Variants in BBS9 observed in about 807,000 individuals in gnomAD.
BBS9 encodes the protein protein PTHB1.
Under a neutral mutation model 117.7 loss-of-function variants are expected in BBS9, and 89 were observed. The observed-to-expected ratio is 0.76, with a 90% CI of 0.64 to 0.90. The LOEUF is 0.90. BBS9 is among the 40% of genes least tolerant of loss of function. The pLI is 0.00. For synonymous variants in BBS9, 379 were observed against 370.9 expected, an observed-to-expected ratio of 1.02 and a Z score of -0.25; for missense variants, 982 against 1,042.2, an observed-to-expected ratio of 0.94 and a Z score of 0.80.
intron 19 of BBS9, among the ~76,000 whole-genome samples, chr7:33,430,324 A>C (rs1360920927): frequency 1.3e-5 from 2 of 152,232 alleles, no homozygotes; most frequent in African/African-American, 4.8e-5. Context: ...CATAGGACTT[A>C]GGTTCTACTA....
At chr7:33,138,947 C>T (rs1345619895) in intron 1 of BBS9, among the ~76,000 whole-genome samples, 8 of 151,204 alleles carry the variant, frequency 5.3e-5, no homozygotes, top group Middle Eastern at 3.4e-3. Context: ...TTCTAATTTT[C>T]GGTTAGAAGT....
At chr7:33,166,778 A>G (rs1293278124) in intron 4 of BBS9, among the ~76,000 whole-genome samples, 1 of 152,190 alleles carries the variant, frequency 6.6e-6, no homozygotes, top group Non-Finnish European at 1.5e-5. Context: ...TTTTCCACGT[A>G]CAGTCTGTCA....
intron 20 of BBS9, among the ~76,000 whole-genome samples, chr7:33,514,586 T>C (rs1847455280): frequency 6.6e-6 from 1 of 152,172 alleles, no homozygotes; most frequent in Non-Finnish European, 1.5e-5. Flanking sequence ...TAGCTTTGGG[T>C]ACTGTAAATG....
chr7:33,310,537 G>A (rs1808993573), intron 9 of BBS9, among the ~76,000 whole-genome samples: 2 of 152,128 alleles, frequency 1.3e-5, no homozygotes, highest in Admixed American at 6.5e-5. Flanking sequence ...AGTAAAAGGG[G>A]ATTCTGTTAA....
At chr7:33,550,864 TCTCAA>T (rs1854311517) in intron 21 of BBS9, among the ~76,000 whole-genome samples, 2 of 152,314 alleles carry the variant, frequency 1.3e-5, no homozygotes, top group South Asian at 4.1e-4. Context: ...GTACAGGATG[TCTCAA>T]CTCTGTATAT....
intron 5 of BBS9, among the ~76,000 whole-genome samples, chr7:33,255,830 T>G (rs553979902): frequency 6.6e-6 from 1 of 152,234 alleles, no homozygotes; most frequent in South Asian, 2.1e-4. Context: ...TTTGGAAACT[T>G]TTAATAGCAT....
At chr7:33,434,111 A>G (rs926633813) in intron 19 of BBS9, among the ~76,000 whole-genome samples, 1 of 151,924 alleles carries the variant, frequency 6.6e-6, no homozygotes, top group African/African-American at 2.4e-5. Flanking sequence ...TTTATCAATA[A>G]TGATGGATAT....
chr7:33,229,013 A>T (rs1232533366), intron 5 of BBS9, among the ~76,000 whole-genome samples: 2 of 152,246 alleles, frequency 1.3e-5, no homozygotes, highest in Non-Finnish European at 2.9e-5. Flanking sequence ...GAGAATTAAA[A>T]TTGAGGATGA....
At chr7:33,430,504 C>T (rs1362185841) in intron 19 of BBS9, among the ~76,000 whole-genome samples, 1 of 152,138 alleles carries the variant, frequency 6.6e-6, no homozygotes, top group Non-Finnish European at 1.5e-5. Flanking sequence ...AACTTGGGTA[C>T]TCTTCTGGGA....
At chr7:33,622,228 A>T (rs762635450) in intron 21 of BBS9, among the ~76,000 whole-genome samples, 2 of 151,976 alleles carry the variant, frequency 1.3e-5, no homozygotes, top group African/African-American at 2.4e-5. Context: ...CAAAAAAAAT[A>T]AATAAAAAAG....
chr7:33,277,520 C>T (rs559215483), intron 9 of BBS9, among the ~76,000 whole-genome samples: 1 of 152,282 alleles, frequency 6.6e-6, no homozygotes, highest in Non-Finnish European at 1.5e-5. Flanking sequence ...CACTGTATTT[C>T]AGTAGAGAAA....
chr7:33,481,864 A>T lies in BBS9; in HGVS notation c.2116-23599A>T, dbSNP rs189650134. On this transcript the variant is annotated intron_variant, in intron 19 of 22. Coordinates refer to ENST00000242067, the MANE Select transcript of BBS9 (RefSeq NM_198428.3). The stretch of plus-strand genomic sequence containing the variant: ...TCTTAATAAAGGGGATAAAAGTAGA[A>T]TTTTTAGGTCTGATTTTAAGGTTTC... 2.4e-4 allele frequency among the ~76,000 whole-genome samples: 36 copies of T among 152,272 alleles called. 1 individual carries two copies. In the East Asian group the frequency reaches 7.0e-3, roughly 29 times the overall value.
chr7:33,608,805 G>A (rs185083128), downstream of BBS9, among the ~76,000 whole-genome samples: 1 of 151,978 alleles, frequency 6.6e-6, no homozygotes, highest in African/African-American at 2.4e-5. Flanking sequence ...CTATTCAATG[G>A]GTTGTCTTTT....
At chr7:33,260,423 T>C (rs1211935916) in intron 6 of BBS9, among the ~76,000 whole-genome samples, 2 of 152,226 alleles carry the variant, frequency 1.3e-5, no homozygotes, top group Non-Finnish European at 2.9e-5. Context: ...TCTTCCTTTT[T>C]TCACCTCCTA....
intron 20 of BBS9, among the ~76,000 whole-genome samples, chr7:33,527,078 A>AGG (rs2129050448): frequency 1.3e-5 from 2 of 151,618 alleles, no homozygotes; most frequent in Non-Finnish European, 2.9e-5. Flanking sequence ...GGGGTCAGGC[A>AGG]CCCACTTGAG....
Position 33,369,619 on chromosome 7 carries a change from G to A in BBS9, c.1789+1757G>A, listed in dbSNP as rs1822477636. Among the ~76,000 whole-genome samples the A allele has an allele frequency of 3.9e-5, 6 of 152,152 alleles. No individual in the cohort carries two copies. The South Asian group carries it at 1.2e-3, about 32-fold the overall frequency. On this transcript the variant is annotated intron_variant, in intron 17 of 22. Coordinates refer to ENST00000242067, the MANE Select transcript of BBS9 (RefSeq NM_198428.3). ...TAATAGTCATTACAATTCTATGATG[G>A]TTTTTGGCTACAGTGACACACAGAA...
At chr7:33,273,226 C>T (rs1252803878) in intron 8 of BBS9, 31 bp downstream of exon 8, 1 of 1,609,708 alleles carries the variant, frequency 6.2e-7, no homozygotes. Context: ...TTATCTCTTC[C>T]ATATGTCAAG....
At chr7:33,613,462 A>G (rs1028263513) in intron 21 of BBS9, among the ~76,000 whole-genome samples, 1 of 152,018 alleles carries the variant, frequency 6.6e-6, no homozygotes, top group African/African-American at 2.4e-5. Context: ...ACTGTGGTAC[A>G]GGGGTTTTTC....
intron 11 of BBS9, 150 bp from the exon 12 acceptor site, chr7:33,344,431 A>G: frequency 1.3e-6 from 1 of 796,710 alleles, no homozygotes; most frequent in Non-Finnish European, 2.1e-6. Context: ...AAAAAGCCAG[A>G]TTGTCTCTTT....
Sources: gnomAD v4.1 joint callset for allele counts (sites outside exome capture counted in the v4.1 genomes callset) on GRCh38, gnomAD v4.1.1 for gene constraint, MANE v1.5 for transcripts, NCBI Gene and HGNC (gene_info 2026-07-23, HGNC 2026-07-21) for gene names.